TTC16: variants seen among roughly 807,000 people sequenced by gnomAD.
TTC16 encodes tetratricopeptide repeat domain 16.
A neutral mutation model predicts 80.4 loss-of-function variants in TTC16; 66 were observed. The observed-to-expected ratio is 0.82, with a 90% CI of 0.67 to 1.01. The LOEUF is 1.01. Ranked by LOEUF, TTC16 falls within the 50% of genes least tolerant of loss-of-function variation. The pLI is 0.00. For synonymous variants in TTC16, 438 were observed against 451.3 expected (o/e 0.97, Z 0.37); for missense variants, 1,070 against 1,103.2 (o/e 0.97, Z 0.43).
chr9:127,720,293 G>A lies in TTC16; in HGVS notation c.555G>A (p.Gln185=). ...TGGCCTGTCTCCTGGCCCTCAAGCA[G>A]CATCAGGCCTGCCTCACGCTCATCA... ...RCMACLLALK[Q]HQACLTLITN... The change falls in exon 6 of 14, where the codon CAG becomes CAA. Residue 185 remains glutamine, a synonymous_variant. Transcript: ENST00000373289. 6.2e-7 allele frequency: 1 copy of A among 1,613,438 alleles called. No individual in the cohort carries two copies. Among genetic ancestry groups the A allele is most frequent in the Non-Finnish European group, 8.5e-7 (1 of 1,179,978 alleles).
rs900706981 is a variant in TTC16 at position 127,722,062 on chromosome 9, C to G, written c.658-1057C>G. Among the ~76,000 whole-genome samples, 1 of 152,194 alleles carries G rather than the reference C, an allele frequency of 6.6e-6. No homozygotes were observed. Among genetic ancestry groups the G allele is most frequent in the African/African-American group, 2.4e-5 (1 of 41,450 alleles). On this transcript the variant is annotated intron_variant, in intron 6 of 13. Coordinates refer to ENST00000373289, the MANE Select transcript of TTC16 (RefSeq NM_144965.3). The surrounding 1 kb of genome is among the most constrained non-coding windows in gnomAD (Gnocchi z 4.2). ...ACTTTGCCCCTGCTTAGCTGTGAGG[C>G]TCGCAGCAACCCTTTGGGATAGAGA...
In TTC16 at chr9:127,722,619, GC is replaced by G. The variant is rs1472138263; in HGVS notation, c.658-498del. 3.3e-5 allele frequency among the ~76,000 whole-genome samples: 5 copies of G among 152,146 alleles called. No individual in the cohort carries two copies. The highest frequency in any genetic ancestry group is 7.3e-5 in the Non-Finnish European group (5 of 68,032). On this transcript the variant is annotated intron_variant, in intron 6 of 13. Transcript: ENST00000373289. This position sits in a 1 kb window ranked among gnomAD's most constrained non-coding sequence, Gnocchi z 4.2. The stretch of plus-strand genomic sequence containing the variant: ...TCTGGAAAGGGCCAGCTGGCATGGG[GC>G]CTGGGATGGAATTTCTCCACGATGC...
chr9:127,727,507 G>A, intron 12 of TTC16, 42 bp downstream of exon 12: 1 of 1,546,520 alleles, frequency 6.5e-7, no homozygotes, highest in Non-Finnish European at 8.7e-7. Flanking sequence ...CTTGGGGTCT[G>A]GGGCACAGCG....
At chr9:127,724,961 A>C in intron 9 of TTC16, 64 bp downstream of exon 9, 1 of 1,433,146 alleles carries the variant, frequency 7.0e-7, no homozygotes, top group East Asian at 2.6e-5. Context: ...GCAGGAGGCC[A>C]ACTGCTGGGA....
At chr9:127,717,205 G>A in intron 2 of TTC16, 129 bp from the exon 3 acceptor site, 1 of 1,182,200 alleles carries the variant, frequency 8.5e-7, no homozygotes, top group Middle Eastern at 1.9e-4. Context: ...TGCCCTCCCT[G>A]GGCTTCTGTC....
chr9:127,724,863 C>T lies in TTC16; in HGVS notation c.1225C>T (p.Gln409Ter). The T allele has an allele frequency of 6.3e-7, 1 of 1,579,370 alleles. No individual in the cohort carries two copies. Among genetic ancestry groups the T allele is most frequent in the Non-Finnish European group, 8.6e-7 (1 of 1,165,016 alleles). Residue 409 changes from glutamine to a stop codon, truncating the protein, a stop_gained, in exon 9 of 14, where the codon CAG (glutamine) becomes TAG (stop). Coordinates refer to ENST00000373289, the MANE Select transcript of TTC16 (RefSeq NM_144965.3). LOFTEE classifies it high-confidence loss of function. ...EGANTRMGLL[Q>*]EKMGFCEQRR... ...CGCCAACACGCGCATGGGCCTGCTG[C>T]AGGAGAAGATGGGCTTCTGCGAGCA... is the stretch of plus-strand genomic sequence containing the variant.
intron 5 of TTC16, 39 bp downstream of exon 5, chr9:127,720,217 T>A (rs776685007): frequency 1.2e-6 from 2 of 1,613,198 alleles, no homozygotes; most frequent in Non-Finnish European, 1.7e-6. Flanking sequence ...AGCACCCACT[T>A]CCTGCCGCCC....
rs1374072679 is a variant in TTC16 at position 127,718,327 on chromosome 9, A to G, written c.426+555A>G. Among the ~76,000 whole-genome samples the G allele has an allele frequency of 1.3e-5, 2 of 152,088 alleles. No individual in the cohort carries two copies. The highest frequency in any genetic ancestry group is 3.9e-4 in the East Asian group (2 of 5,190). On this transcript the variant is annotated intron_variant, in intron 4 of 13. Coordinates refer to ENST00000373289, the MANE Select transcript of TTC16 (RefSeq NM_144965.3). The surrounding 1 kb of genome is among the most constrained non-coding windows in gnomAD (Gnocchi z 4.6). ...GGTCTTGAACTCCTGGGCTCAGGCA[A>G]TCCACCCACCTCGGCCTCCCAACGT...
Position 127,730,980 on chromosome 9 carries a change from T to C in TTC16, c.2197T>C (p.Ser733Pro), listed in dbSNP as rs754908063. ...GGCCACCCAGGGCCAGGGGCAGAGC[T>C]CCAGCAAGACTGAGGCCACTCAGGG... ...TRATQGQGQS[S>P]SKTEATQGQR... is the part of the protein sequence containing the mutation. The change falls in exon 14 of 14, where the codon TCC becomes CCC. Residue 733 changes from serine to proline, a missense_variant. Physicochemically the swap from Ser to Pro is moderately conservative, Grantham distance 74. Coordinates refer to ENST00000373289, the MANE Select transcript of TTC16 (RefSeq NM_144965.3). 1.2e-6 allele frequency: 2 copies of C among 1,609,966 alleles called. No homozygotes were observed. Among genetic ancestry groups the C allele is most frequent in the East Asian group, 2.2e-5 (1 of 44,728 alleles).
chr9:127,727,201 T>A, intron 11 of TTC16, 69 bp from the exon 12 acceptor site: 1 of 1,524,190 alleles, frequency 6.6e-7, no homozygotes, highest in Middle Eastern at 1.8e-4. Context: ...ACGGGGCCGT[T>A]GTCTAGTCCT....
In TTC16 at chr9:127,730,702, C is replaced by T. The variant is rs200222599; in HGVS notation, c.1919C>T (p.Ala640Val). 4.7e-5 allele frequency: 76 copies of T among 1,613,368 alleles called. 1 individual carries two copies. In the East Asian group the frequency reaches 9.1e-4, roughly 19 times the overall value. ...TGCCAGGAATACAGGAGCACCTCAG[C>T]CACCGCCGTGACATTCTCTGACTCG... ...AICQEYRSTS[A>V]TAVTFSDSSL... Residue 640 changes from alanine (A) to valine (V), a missense_variant, in exon 14 of 14, where the codon GCC (alanine) becomes GTC (valine). Physicochemically the swap from Ala to Val is moderately conservative, Grantham distance 64. Transcript: ENST00000373289.
In TTC16 at chr9:127,724,305, T is replaced by G. The variant is rs1843734193; in HGVS notation, c.1058T>G (p.Leu353Arg). The G allele has an allele frequency of 6.2e-7, 1 of 1,612,784 alleles. No homozygotes were observed. The highest frequency in any genetic ancestry group is 1.1e-5 in the South Asian group (1 of 91,078). ...RQGAYQEGVLLLNKALRDEQQ... is the reference protein window; with the variant it reads ...RQGAYQEGVLRLNKALRDEQQ... Reference sequence around the variant, plus strand: ...GGCGCCTACCAGGAGGGCGTGCTGCTGCTGAACAAGGCCCTCCGGGACGAG... The same window carrying G: ...GGCGCCTACCAGGAGGGCGTGCTGCGGCTGAACAAGGCCCTCCGGGACGAG... The change falls in exon 8 of 14, where the codon CTG (leucine) becomes CGG (arginine). Residue 353 changes from leucine (L) to arginine (R), a missense_variant. Physicochemically the swap from Leu to Arg is moderately radical, Grantham distance 102. Coordinates refer to ENST00000373289, the MANE Select transcript of TTC16 (RefSeq NM_144965.3).
Position 127,726,404 on chromosome 9 carries a change from G to A in TTC16, c.1425G>A (p.Lys475=). 15 of 1,591,632 alleles carry A rather than the reference G, an allele frequency of 9.4e-6. No homozygotes were observed. Among genetic ancestry groups the A allele is most frequent in the Non-Finnish European group, 1.2e-5 (14 of 1,165,336 alleles). ...TGCTCCTCAACCCCAAGCAACCAAA[G>A]GTAGGTTCCTGCCACGTCAGGAGTG... ...TVLLLNPKQP[K]LSLLMTNLFP... is the part of the protein sequence containing the mutation. Residue 475 remains lysine (K), a splice_region_variant and synonymous_variant, in exon 10 of 14, where the codon AAG becomes AAA. Coordinates refer to ENST00000373289, the MANE Select transcript of TTC16 (RefSeq NM_144965.3).
At chr9:127,724,537 G>T in intron 8 of TTC16, 173 bp downstream of exon 8, 1 of 1,130,408 alleles carries the variant, frequency 8.8e-7, no homozygotes, top group Non-Finnish European at 1.2e-6. Flanking sequence ...TTTGGGAAAT[G>T]TTGCCTTAGA....
At chr9:127,725,610 C>CT (rs1564389242) in intron 9 of TTC16, among the ~76,000 whole-genome samples, 3 of 141,116 alleles carry the variant, frequency 2.1e-5, no homozygotes, top group African/African-American at 7.9e-5. Context: ...TTATGCTTTC[C>CT]TTTTTTTTAG....
At position 127,722,713 on chromosome 9, in the gene TTC16, C is replaced by T. The variant is rs1352113847; in HGVS notation, c.658-406C>T. On this transcript the variant is annotated intron_variant, in intron 6 of 13. Transcript: ENST00000373289. This position sits in a 1 kb window ranked among gnomAD's most constrained non-coding sequence, Gnocchi z 4.2. ...ACTCAAACCTGTAATCCCAGCACTT[C>T]GGGAGGCCAAGGTGGGCGGATCACC... Among the ~76,000 whole-genome samples the T allele has an allele frequency of 2.6e-5, 4 of 152,030 alleles. No homozygotes were observed. The highest frequency in any genetic ancestry group is 7.2e-5 in the African/African-American group (3 of 41,386).
chr9:127,724,825 C>T lies in TTC16; in HGVS notation c.1187C>T (p.Pro396Leu). ...ADYQQALALSPQDEGANTRMG... is the reference protein window; with the variant it reads ...ADYQQALALSLQDEGANTRMG... ...TACCAGCAGGCGCTGGCGCTGAGCC[C>T]TCAGGACGAGGGCGCCAACACGCGC... The change falls in exon 9 of 14, where the codon CCT becomes CTT. Residue 396 changes from proline (P) to leucine (L), a missense_variant. Coordinates refer to ENST00000373289, the MANE Select transcript of TTC16 (RefSeq NM_144965.3). The T allele has an allele frequency of 6.2e-7, 1 of 1,606,504 alleles. No individual in the cohort carries two copies. The highest frequency in any genetic ancestry group is 8.5e-7 in the Non-Finnish European group (1 of 1,177,378).
At chr9:127,729,763 C>G in intron 13 of TTC16, 95 bp downstream of exon 13, 2 of 1,119,444 alleles carry the variant, frequency 1.8e-6, no homozygotes. Context: ...GGTGTGCGTT[C>G]GGCCCCGCTG....
Position 127,717,437 on chromosome 9 carries a change from C to G in TTC16, c.282+13C>G, listed in dbSNP as rs776211919. On this transcript the variant is annotated intron_variant, in intron 3 of 13. Transcript: ENST00000373289. ...GGACCCACAGCTGGTGAGAGGCAGACCTGGGTGGGCACAGGCAGTTGCTGG... is the reference window on the plus strand; with the variant it reads ...GGACCCACAGCTGGTGAGAGGCAGAGCTGGGTGGGCACAGGCAGTTGCTGG... 7.5e-6 allele frequency: 12 copies of G among 1,606,908 alleles called. No homozygotes were observed. Among genetic ancestry groups the G allele is most frequent in the East Asian group, 4.5e-5 (2 of 44,724 alleles).
Sources: allele counts gnomAD v4.1 joint callset (sites outside exome capture counted in the v4.1 genomes callset), GRCh38; gene constraint gnomAD v4.1.1; non-coding constraint Gnocchi (gnomAD v3.1); transcripts MANE v1.5; gene names NCBI Gene and HGNC (gene_info 2026-07-23, HGNC 2026-07-21).